The following ANKFN1 variants were observed in gnomAD, a reference collection of about 807,000 sequenced individuals.
ANKFN1 encodes ankyrin repeat and fibronectin type III domain containing 1.
In ANKFN1, 74 loss-of-function variants were observed where a neutral mutation model predicts 108.7. The ratio of observed to expected loss-of-function variants is 0.68; its 90% CI spans 0.56 to 0.83. The LOEUF is 0.83. Among genes scored for constraint, ANKFN1 ranks in the 40% least tolerant of loss-of-function variants. The probability of loss-of-function intolerance (pLI) is 0.00; values close to 1 mark genes in which losing one functional copy is unlikely to be tolerated. For synonymous variants in ANKFN1, 547 were observed against 516.2 expected, an observed-to-expected ratio of 1.06 and a Z score of -0.81; for missense variants, 1,505 against 1,382.3, an observed-to-expected ratio of 1.09 and a Z score of -1.41.
intron 10 of ANKFN1, among the ~76,000 whole-genome samples, chr17:56,444,537 T>C (rs994770023): frequency 6.6e-6 from 1 of 152,226 alleles, no homozygotes; most frequent in Admixed American, 6.5e-5. Context: ...CCTCATTATT[T>C]CTGTCTTGTA....
In ANKFN1 at chr17:56,229,595, C is replaced by T. The variant is rs577670571; in HGVS notation, c.53+1638C>T. Among the ~76,000 whole-genome samples the T allele has an allele frequency of 1.1e-4, 16 of 146,200 alleles. No individual in the cohort carries two copies. In the South Asian group the frequency reaches 3.5e-3, roughly 32 times the overall value. ...AGTCACTATATGTAAATTTAAACAC[C>T]CACGTGTTACCGCAGGATCTCTTTA... On this transcript the variant is annotated intron_variant, in intron 3 of 20. Coordinates refer to ENST00000682825, the MANE Select transcript of ANKFN1 (RefSeq NM_001370326.1).
At chr17:56,336,256 T>C (rs1410683573) in intron 4 of ANKFN1, among the ~76,000 whole-genome samples, 2 of 152,216 alleles carry the variant, frequency 1.3e-5, no homozygotes, top group African/African-American at 4.8e-5. Context: ...GAGGATTCCC[T>C]CTTTTTCTAT....
upstream of ANKFN1, among the ~76,000 whole-genome samples, chr17:56,152,596 G>C (rs1908728250): frequency 6.6e-6 from 1 of 151,992 alleles, no homozygotes; most frequent in Non-Finnish European, 1.5e-5. Context: ...AGCCTCAACT[G>C]CTTCAAAGTA....
At chr17:56,480,574 G>T in intron 16 of ANKFN1, 94 bp from the exon 17 acceptor site, 3 of 1,319,626 alleles carry the variant, frequency 2.3e-6, no homozygotes, top group Non-Finnish European at 3.2e-6. Context: ...CCAAGCATTG[G>T]TTATCCAGGT....
chr17:56,119,250 C>T (rs1453161076), intron 4 of ANKFN1, among the ~76,000 whole-genome samples: 1 of 152,086 alleles, frequency 6.6e-6, no homozygotes, highest in East Asian at 1.9e-4. Flanking sequence ...GGAACTTTGA[C>T]ATTTAAAGAC....
At chr17:56,289,210 C>A (rs1039240018) in intron 3 of ANKFN1, among the ~76,000 whole-genome samples, 13 of 152,154 alleles carry the variant, frequency 8.5e-5, no homozygotes, top group African/African-American at 3.1e-4. Context: ...CTAAATTAAT[C>A]AGTGCTTATA....
intron 18 of ANKFN1, among the ~76,000 whole-genome samples, chr17:56,482,858 TTC>T (rs137895172): frequency 6.6e-6 from 1 of 151,302 alleles, no homozygotes; most frequent in Non-Finnish European, 1.5e-5. Context: ...GCACTGCCCC[TTC>T]TCTCTCTCTC....
At chr17:56,480,499 T>A (rs1378209126) in intron 16 of ANKFN1, among the ~76,000 whole-genome samples, 169 bp from the exon 17 acceptor site, 1 of 152,192 alleles carries the variant, frequency 6.6e-6, no homozygotes, top group Non-Finnish European at 1.5e-5. Context: ...TAGAAAGAGA[T>A]CATTTTAAGC....
intron 4 of ANKFN1, among the ~76,000 whole-genome samples, chr17:56,113,858 A>G (rs1316862455): frequency 8.1e-5 from 1 of 12,416 alleles, no homozygotes; most frequent in Non-Finnish European, 1.1e-4. Flanking sequence ...ATTAGGAGAG[A>G]TAGATGTTAG....
At chr17:56,344,924 T>C (rs1425377357) in intron 4 of ANKFN1, among the ~76,000 whole-genome samples, 7 of 152,192 alleles carry the variant, frequency 4.6e-5, no homozygotes, top group South Asian at 4.1e-4. Flanking sequence ...ATGTGCAGAA[T>C]GTGCAAGTTT....
At chr17:56,183,968 CATATGA>C (rs1911937623) in intron 1 of ANKFN1, among the ~76,000 whole-genome samples, 2 of 152,192 alleles carry the variant, frequency 1.3e-5, no homozygotes, top group African/African-American at 4.8e-5. Context: ...TGAGTTGCTT[CATATGA>C]ATAAGCAAAG....
intron 1 of ANKFN1, among the ~76,000 whole-genome samples, chr17:56,173,625 T>C (rs1486861703): frequency 6.6e-6 from 1 of 152,066 alleles, no homozygotes; most frequent in Non-Finnish European, 1.5e-5. Context: ...GCCCAGCTAT[T>C]TTTTATTTTC....
chr17:56,274,436 A>G (rs1040076024), intron 3 of ANKFN1, among the ~76,000 whole-genome samples: 26 of 152,134 alleles, frequency 1.7e-4, no homozygotes, highest in African/African-American at 2.9e-4. Context: ...TCGCGCCACT[A>G]CACTCCAGCC....
intron 3 of ANKFN1, among the ~76,000 whole-genome samples, chr17:56,301,005 G>A (rs577656521): frequency 2.0e-5 from 3 of 152,270 alleles, no homozygotes; most frequent in African/African-American, 7.2e-5. Context: ...TTTCCACATC[G>A]TCCCTAGAGA....
At chr17:56,400,742 C>T (rs980212880) in intron 8 of ANKFN1, among the ~76,000 whole-genome samples, 19 of 152,126 alleles carry the variant, frequency 1.2e-4, no homozygotes, top group Admixed American at 5.9e-4. Flanking sequence ...AGTCCTTAAT[C>T]CATCTTGAGT....
chr17:56,354,833 T>C (rs778179234), intron 6 of ANKFN1, among the ~76,000 whole-genome samples: 2 of 152,218 alleles, frequency 1.3e-5, no homozygotes, highest in Non-Finnish European at 1.5e-5. Context: ...TATTCATCTA[T>C]TGACAGACAC....
At chr17:56,227,985 A>G (rs766518481) in intron 3 of ANKFN1, 28 bp downstream of exon 3, 7 of 1,586,772 alleles carry the variant, frequency 4.4e-6, no homozygotes, top group East Asian at 2.2e-5. Context: ...TTGAAATGGT[A>G]TCTACTTCTC....
At chr17:56,356,093 A>G (rs1006502473) in intron 6 of ANKFN1, among the ~76,000 whole-genome samples, 2 of 152,094 alleles carry the variant, frequency 1.3e-5, no homozygotes, top group Non-Finnish European at 2.9e-5. Flanking sequence ...TTTGAAGTAG[A>G]GCTGATAGTA....
intron 3 of ANKFN1, among the ~76,000 whole-genome samples, chr17:56,290,592 CT>C (rs1290755821): frequency 2.6e-5 from 4 of 152,092 alleles, no homozygotes; most frequent in African/African-American, 9.7e-5. Context: ...ATCCTTTCTA[CT>C]TGGGGAAACA....
Sources: gnomAD v4.1 joint callset for allele counts (sites outside exome capture counted in the v4.1 genomes callset) on GRCh38, gnomAD v4.1.1 for gene constraint, MANE v1.5 for transcripts, NCBI Gene and HGNC (gene_info 2026-07-23, HGNC 2026-07-21) for gene names.